FERMT2: variants seen among roughly 807,000 people sequenced by gnomAD.
The protein encoded by FERMT2 is fermitin family homolog 2.
Under a neutral mutation model 82.7 loss-of-function variants are expected in FERMT2, and 15 were observed. The ratio of observed to expected loss-of-function variants is 0.18; its 90% CI spans 0.12 to 0.28. The LOEUF (loss-of-function observed/expected upper bound fraction) is 0.28. FERMT2 is among the 10% of genes least tolerant of loss of function. FERMT2 has a pLI of 1.00. For synonymous variants in FERMT2, 274 were observed against 271.5 expected, an observed-to-expected ratio of 1.01 and a Z score of -0.09; for missense variants, 645 against 809.4, an observed-to-expected ratio of 0.80 and a Z score of 2.46.
chr14:52,923,519 C>T (rs990279380), intron 2 of FERMT2, among the ~76,000 whole-genome samples: 1 of 151,972 alleles, frequency 6.6e-6, no homozygotes, highest in Admixed American at 6.6e-5. Flanking sequence ...ATTAGGCTTC[C>T]AACTGTGACC....
intron 12 of FERMT2, 51 bp downstream of exon 12, chr14:52,864,350 A>G (rs111420315): frequency 6.4e-6 from 9 of 1,412,260 alleles, no homozygotes; most frequent in Non-Finnish European, 8.9e-6. Context: ...GTTATGTACA[A>G]AATTATAAAA....
chr14:52,875,643 A>G (rs549856266), intron 7 of FERMT2, among the ~76,000 whole-genome samples: 1 of 152,228 alleles, frequency 6.6e-6, no homozygotes, highest in South Asian at 2.1e-4. Flanking sequence ...ACTTCACATT[A>G]ACAGAGATTT....
At chr14:52,868,038 G>A (rs1422560593) in intron 10 of FERMT2, among the ~76,000 whole-genome samples, 2 of 152,028 alleles carry the variant, frequency 1.3e-5, no homozygotes, top group African/African-American at 2.4e-5. Context: ...TTCTTTCAGT[G>A]ACACGTCACT....
At chr14:52,870,538 G>C (rs1025842187) in intron 10 of FERMT2, among the ~76,000 whole-genome samples, 1 of 152,238 alleles carries the variant, frequency 6.6e-6, no homozygotes, top group Admixed American at 6.5e-5. Context: ...ATGAGCCACC[G>C]CGCCCAGCCA....
chr14:52,918,209 G>T (rs1888730166), intron 3 of FERMT2, among the ~76,000 whole-genome samples: 1 of 152,170 alleles, frequency 6.6e-6, no homozygotes, highest in South Asian at 2.1e-4. Context: ...CAGCTTAAAA[G>T]AATGTATAAC....
intron 2 of FERMT2, among the ~76,000 whole-genome samples, chr14:52,932,933 T>C (rs1889655093): frequency 6.6e-6 from 1 of 152,152 alleles, no homozygotes; most frequent in Non-Finnish European, 1.5e-5. Flanking sequence ...AGGAAAAGAA[T>C]ACCCAACATA....
intron 3 of FERMT2, among the ~76,000 whole-genome samples, chr14:52,902,887 A>AAAAAAAAAAAAAAC (rs1417117125): frequency 3.6e-5 from 5 of 139,452 alleles, no homozygotes; most frequent in African/African-American, 1.1e-4. Flanking sequence ...AAAAAAAAAA[A>AAAAAAAAAAAAAAC]AAAACCCCAA....
At chr14:52,881,620 CAT>C (rs1886302440) in intron 4 of FERMT2, 151 bp from the exon 5 acceptor site, 6 of 836,218 alleles carry the variant, frequency 7.2e-6, no homozygotes, top group East Asian at 2.7e-5. Context: ...GTTATGAAAA[CAT>C]GTGTAATTAA....
intron 3 of FERMT2, among the ~76,000 whole-genome samples, chr14:52,911,319 T>A (rs1434811636): frequency 1.3e-5 from 2 of 152,074 alleles, no homozygotes; most frequent in Non-Finnish European, 2.9e-5. Flanking sequence ...ATTAAAAAAA[T>A]ATAAGAGCCT....
At chr14:52,906,375 A>C (rs1026691779) in intron 3 of FERMT2, among the ~76,000 whole-genome samples, 1 of 152,242 alleles carries the variant, frequency 6.6e-6, no homozygotes, top group African/African-American at 2.4e-5. Context: ...TAATGAGGCT[A>C]AATTAGTGCT....
chr14:52,942,244 A>AAT lies in FERMT2; in HGVS notation c.157+8166_157+8167dup, dbSNP rs564186899. 9.2e-5 allele frequency among the ~76,000 whole-genome samples: 14 copies of AAT among 152,124 alleles called. No individual in the cohort carries two copies. The South Asian group carries it at 2.9e-3, about 32-fold the overall frequency. On this transcript the variant is annotated intron_variant, in intron 2 of 14. Transcript: ENST00000341590. Reference sequence around the variant, plus strand: ...ATAAAGTATATATACATGTAGTATCAATATATATGTATTATCTCATTTAAT... The same window carrying AAT: ...ATAAAGTATATATACATGTAGTATCAATATATATATGTATTATCTCATTTAAT...
intron 10 of FERMT2, among the ~76,000 whole-genome samples, 196 bp downstream of exon 10, chr14:52,872,603 A>G (rs1293881142): frequency 6.6e-6 from 1 of 152,224 alleles, no homozygotes. Flanking sequence ...ACAACAAAAT[A>G]TTTATGTGGA....
intron 3 of FERMT2, among the ~76,000 whole-genome samples, chr14:52,905,145 C>T (rs62003535): frequency 0.022 from 3,289 of 148,470 alleles, 52 homozygotes; most frequent in South Asian, 0.054. Context: ...GCCAAGATTG[C>T]GCCACTGCAC....
chr14:52,890,414 C>T lies in FERMT2; in HGVS notation c.526+2879G>A, dbSNP rs527569645. Among the ~76,000 whole-genome samples, 29 of 84,784 alleles carry T rather than the reference C, an allele frequency of 3.4e-4. No homozygotes were observed. In the East Asian group the frequency reaches 6.3e-3, roughly 18 times the overall value. 55.6% of individuals were successfully genotyped at this position (84,784 alleles called of 152,430 possible). A position where few individuals can be genotyped will look rare whatever the true frequency, so the allele number is the denominator to read the frequency against. ...AGCCGAGATCGCAGCCACTGCACTC[C>T]GGCCTGGGCGACAGAGTGACACTCC... is the stretch of plus-strand genomic sequence containing the variant. On this transcript the variant is annotated intron_variant, in intron 4 of 14. Coordinates refer to ENST00000341590, the MANE Select transcript of FERMT2 (RefSeq NM_006832.3).
intron 2 of FERMT2, among the ~76,000 whole-genome samples, chr14:52,926,348 AATAAACATTTCTG>A (rs1276684705): frequency 1.3e-5 from 2 of 151,896 alleles, no homozygotes; most frequent in Non-Finnish European, 2.9e-5. Flanking sequence ...CTATGTTCTA[AATAAACATTTCTG>A]ATTTCCAGAA....
At chr14:52,901,322 A>ACAGCCAGC (rs1301292517) in intron 3 of FERMT2, among the ~76,000 whole-genome samples, 2 of 149,774 alleles carry the variant, frequency 1.3e-5, no homozygotes, top group Non-Finnish European at 3.0e-5. Context: ...AAACATAGGA[A>ACAGCCAGC]CAGCCAGCCA....
chr14:52,911,283 AAAT>A (rs1172536413), intron 3 of FERMT2, among the ~76,000 whole-genome samples: 16 of 152,184 alleles, frequency 1.1e-4, no homozygotes, highest in African/African-American at 3.9e-4. Context: ...TCACAGCATA[AAAT>A]ATTATTTTAA....
intron 3 of FERMT2, among the ~76,000 whole-genome samples, chr14:52,911,752 T>A (rs1198076022): frequency 6.6e-6 from 1 of 152,054 alleles, no homozygotes; most frequent in African/African-American, 2.4e-5. Context: ...AACACACATA[T>A]GAAAATTTTA....
chr14:52,896,999 AACACACACACACACACAC>A (rs57945447), intron 3 of FERMT2, among the ~76,000 whole-genome samples: 24 of 137,186 alleles, frequency 1.7e-4, no homozygotes, highest in Admixed American at 5.9e-4. Flanking sequence ...AAACAAATAA[AACACACACACACACACAC>A]ACACACACAC....
Sources: allele counts gnomAD v4.1 joint callset (sites outside exome capture counted in the v4.1 genomes callset), GRCh38; gene constraint gnomAD v4.1.1; transcripts MANE v1.5; gene names NCBI Gene and HGNC (gene_info 2026-07-23, HGNC 2026-07-21).